The following KRAS variants were observed in gnomAD, a reference collection of about 807,000 sequenced individuals.
KRAS encodes the protein KRas proto-oncogene, GTPase, also known as GTPase KRas.
A neutral mutation model predicts 21.0 loss-of-function variants in KRAS; 1 was observed. That is an observed-to-expected ratio of 0.05 (90% CI 0.02 to 0.23). KRAS has a LOEUF of 0.23. Among genes scored for constraint, KRAS ranks in the 10% least tolerant of loss-of-function variants. The pLI, the probability that KRAS is intolerant of heterozygous loss-of-function variation, is 1.00. For synonymous variants in KRAS, 67 were observed against 72.5 expected (o/e 0.92, Z 0.39); for missense variants, 107 against 221.8 (o/e 0.48, Z 3.29).
At chr12:25,230,520 C>T (rs1408888385) in intron 2 of KRAS, among the ~76,000 whole-genome samples, 6 of 151,984 alleles carry the variant, frequency 3.9e-5, no homozygotes, top group Admixed American at 2.6e-4. Context: ...CCCAGCTACT[C>T]GGGAGGCTGA....
intron 4 of KRAS, chr12:25,215,169 C>G: frequency 1.7e-6 from 1 of 597,496 alleles, no homozygotes; most frequent in Non-Finnish European, 2.1e-6. Flanking sequence ...ATATCAGTTT[C>G]CAAATATTTA....
intron 4 of KRAS, among the ~76,000 whole-genome samples, chr12:25,222,328 C>T (rs970778495): frequency 9.9e-5 from 15 of 152,006 alleles, no homozygotes; most frequent in Non-Finnish European, 1.8e-4. Flanking sequence ...TACAGTTACT[C>T]GGAATAGCTC....
intron 2 of KRAS, among the ~76,000 whole-genome samples, chr12:25,236,171 A>C (rs1188137200): frequency 8.5e-5 from 13 of 152,114 alleles, no homozygotes; most frequent in Admixed American, 8.5e-4. Flanking sequence ...AGCAGGGGCC[A>C]GCTTACGGAG....
At chr12:25,220,721 C>CAAA (rs35976713) in intron 4 of KRAS, among the ~76,000 whole-genome samples, 1 of 135,752 alleles carries the variant, frequency 7.4e-6, no homozygotes, top group Non-Finnish European at 1.6e-5. Flanking sequence ...GAGACCGTCT[C>CAAA]AAAAAAAAAA....
rs878903736 is a variant in KRAS, at chr12:25,250,760, G to T, written c.-21C>A. ...GTGGTCCGCTCCGTACCTCTCTCCC[G>T]CACCTGGGAGCCGCTGAGCCTCTGG... On this transcript the variant is annotated 5_prime_UTR_variant, in exon 1 of 5. Transcript: ENST00000311936. The T allele has an allele frequency of 5.0e-6, 1 of 198,394 alleles. No homozygotes were observed. Among genetic ancestry groups the T allele is most frequent in the South Asian group, 1.6e-4 (1 of 6,270 alleles). 12.3% of individuals were successfully genotyped at this position (198,394 alleles called of 1,614,324 possible). A position where few individuals can be genotyped will look rare whatever the true frequency, so the allele number is the denominator to read the frequency against.
rs1377935483 is a variant in KRAS at position 25,227,380 on chromosome 12, T to G, written c.144A>C (p.Gly48=). The change falls in exon 3 of 5, where the codon GGA becomes GGC. Residue 48 remains glycine (G), a synonymous_variant. Coordinates refer to ENST00000311936, the MANE Select transcript of KRAS (RefSeq NM_004985.5). ...DSYRKQVVID[G]ETCLLDILDT... Reference sequence around the variant, plus strand: ...CGAGAATATCCAAGAGACAGGTTTCTCCATCAATTACTACTTGCTTCCTGT... The same window carrying G: ...CGAGAATATCCAAGAGACAGGTTTCGCCATCAATTACTACTTGCTTCCTGT... 6 of 1,613,994 alleles carry G rather than the reference T, an allele frequency of 3.7e-6. No individual in the cohort carries two copies. The highest frequency in any genetic ancestry group is 5.1e-6 in the Non-Finnish European group (6 of 1,180,002).
chr12:25,205,904 C>A lies in KRAS; in HGVS notation c.*3891G>T. On this transcript the variant is annotated 3_prime_UTR_variant, in exon 5 of 5. Coordinates refer to ENST00000311936, the MANE Select transcript of KRAS (RefSeq NM_004985.5). ...ATGACAGCTATTCAGTTTCTCAATG[C>A]AGAATTCATGCTATCCAGTATTAAC... 4.6e-6 allele frequency: 1 copy of A among 215,506 alleles called. No homozygotes were observed. Among genetic ancestry groups the A allele is most frequent in the Non-Finnish European group, 9.3e-6 (1 of 106,952 alleles). The allele number at this position is 215,506 out of a possible 1,614,324, so 13.3% of individuals were successfully genotyped here.
intron 4 of KRAS, among the ~76,000 whole-genome samples, chr12:25,214,451 A>C (rs1183339690): frequency 6.7e-6 from 1 of 150,118 alleles, no homozygotes; most frequent in Non-Finnish European, 1.5e-5. Flanking sequence ...GCAATGGTGC[A>C]TTCTCAGCTC....
chr12:25,249,509 T>C (rs1951735591), intron 1 of KRAS, among the ~76,000 whole-genome samples: 1 of 139,930 alleles, frequency 7.1e-6, no homozygotes, highest in African/African-American at 2.6e-5. Context: ...GGAGAATTGC[T>C]TGAACCCAGG....
chr12:25,238,541 GC>G (rs1951571584), intron 2 of KRAS, among the ~76,000 whole-genome samples: 1 of 152,098 alleles, frequency 6.6e-6, no homozygotes, highest in African/African-American at 2.4e-5. Context: ...AAACTTTAGT[GC>G]CCTTTTCTCT....
At chr12:25,227,742 AT>A (rs1951411204) in intron 2 of KRAS, among the ~76,000 whole-genome samples, 2 of 152,222 alleles carry the variant, frequency 1.3e-5, no homozygotes, top group South Asian at 4.1e-4. Context: ...ATCTTTGTGC[AT>A]TGCTGGTGGG....
At chr12:25,231,689 A>G (rs1486354007) in intron 2 of KRAS, among the ~76,000 whole-genome samples, 3 of 152,206 alleles carry the variant, frequency 2.0e-5, no homozygotes, top group African/African-American at 7.2e-5. Flanking sequence ...AAAGTAATCT[A>G]TAACCTACTC....
In KRAS at chr12:25,245,292, T is replaced by C. The variant is rs377354475; in HGVS notation, c.93A>G (p.Glu31=). Residue 31 remains glutamate (E), a synonymous_variant, in exon 2 of 5, where the codon GAA becomes GAG. Coordinates refer to ENST00000311936, the MANE Select transcript of KRAS (RefSeq NM_004985.5). ...IQLIQNHFVD[E]YDPTIEDSYR... ...GATTTACCTCTATTGTTGGATCATA[T>C]TCGTCCACAAAATGATTCTGAATTA... is the stretch of plus-strand genomic sequence containing the variant. 116 of 1,610,272 alleles carry C rather than the reference T, an allele frequency of 7.2e-5. No individual in the cohort carries two copies. The highest frequency in any genetic ancestry group is 9.3e-5 in the Non-Finnish European group (110 of 1,177,768).
intron 2 of KRAS, among the ~76,000 whole-genome samples, chr12:25,228,335 G>A (rs978813985): frequency 3.3e-5 from 5 of 151,372 alleles, no homozygotes; most frequent in African/African-American, 7.3e-5. Context: ...ATTTTTGGAC[G>A]AGGGATGCTG....
At chr12:25,236,025 G>A (rs1951541146) in intron 2 of KRAS, among the ~76,000 whole-genome samples, 1 of 152,044 alleles carries the variant, frequency 6.6e-6, no homozygotes, top group Admixed American at 6.6e-5. Flanking sequence ...CCTTCCGGCT[G>A]TGCAGCCCAG....
In KRAS at chr12:25,225,329, T is replaced by C. The variant is rs1450065780; in HGVS notation, c.450+285A>G. The C allele has an allele frequency of 1.3e-4, 16 of 122,868 alleles. 1 individual carries two copies. The East Asian group carries it at 2.8e-3, about 21-fold the overall frequency. The allele number at this position is 122,868 out of a possible 1,614,324, so 7.6% of individuals were successfully genotyped here. On this transcript the variant is annotated intron_variant, in intron 4 of 4. Coordinates refer to ENST00000311936, the MANE Select transcript of KRAS (RefSeq NM_004985.5). The stretch of plus-strand genomic sequence containing the variant: ...ATATATATATATATATATATATATA[T>C]ATATATGTAACCATGGGAAAAAAAA...
rs1951146299 is a variant in KRAS at position 25,207,068 on chromosome 12, A to T, written c.*2727T>A. 4.7e-6 allele frequency: 1 copy of T among 211,914 alleles called. No individual in the cohort carries two copies. Among genetic ancestry groups the T allele is most frequent in the Admixed American group, 5.9e-5 (1 of 17,022 alleles). The allele number at this position is 211,914 out of a possible 1,614,324, so 13.1% of individuals were successfully genotyped here. ...ACAGAGACCAAACCCCTTCTTTGCA[A>T]AACTAAAATACGCATCGTGTTATCT... On this transcript the variant is annotated 3_prime_UTR_variant, in exon 5 of 5. Transcript: ENST00000311936.
chr12:25,217,173 C>A (rs1329485526), intron 4 of KRAS, among the ~76,000 whole-genome samples: 2 of 152,126 alleles, frequency 1.3e-5, no homozygotes, highest in Non-Finnish European at 1.5e-5. Context: ...AGAGAATTGG[C>A]AACTAAGTAT....
At chr12:25,221,241 T>C (rs1240267964) in intron 4 of KRAS, among the ~76,000 whole-genome samples, 2 of 151,514 alleles carry the variant, frequency 1.3e-5, no homozygotes, top group East Asian at 3.9e-4. Context: ...AGCCTTTTTT[T>C]TTTTTTTTTG....
Sources: gnomAD v4.1 joint callset for allele counts (sites outside exome capture counted in the v4.1 genomes callset) on GRCh38, gnomAD v4.1.1 for gene constraint, MANE v1.5 for transcripts, NCBI Gene and HGNC (gene_info 2026-07-23, HGNC 2026-07-21) for gene names.